The following NID1 variants were observed in gnomAD, a reference collection of about 807,000 sequenced individuals.
NID1 encodes nidogen-1.
NID1 carries 76 observed loss-of-function variants against 130.6 expected under a neutral mutation model. That is an observed-to-expected ratio of 0.58 (90% CI 0.48 to 0.70). NID1 has a LOEUF of 0.70. NID1 is among the 30% of genes least tolerant of loss of function. The pLI, the probability that NID1 is intolerant of heterozygous loss-of-function variation, is 0.00. For synonymous variants in NID1, 665 were observed against 675.1 expected (o/e 0.98, Z 0.23); for missense variants, 1,517 against 1,664.8 (o/e 0.91, Z 1.54).
rs146751160 is a variant in NID1 at position 235,985,429 on chromosome 1, A to G, written c.3005T>C (p.Ile1002Thr). The G allele has an allele frequency of 1.1e-5, 18 of 1,613,886 alleles. No individual in the cohort carries two copies. The highest frequency in any genetic ancestry group is 1.3e-5 in the Non-Finnish European group (15 of 1,179,910). The change falls in exon 15 of 20, where the codon ATT (isoleucine) becomes ACT (threonine). Residue 1002 changes from isoleucine to threonine, a missense_variant. Ile to Thr is a moderately conservative substitution (Grantham distance 89). Transcript: ENST00000264187. ...VYWTDITEPS[I>T]GRASLHGGEP... Reference sequence around the variant, plus strand: ...TCCACCATGTAGACTAGCTCTCCCAATGGAAGGCTCAGTGATGTCCGTCCA... The same window carrying G: ...TCCACCATGTAGACTAGCTCTCCCAGTGGAAGGCTCAGTGATGTCCGTCCA...
intron 12 of NID1, among the ~76,000 whole-genome samples, chr1:236,011,293 ATTCTTTTTTT>A (rs998274405): frequency 7.3e-5 from 9 of 123,558 alleles, no homozygotes; most frequent in South Asian, 2.5e-4. Context: ...TGTCAAATAT[ATTCTTTTTTT>A]TTCTTTTTTT....
chr1:236,047,199 G>A (rs1659627573), intron 2 of NID1, among the ~76,000 whole-genome samples: 1 of 152,190 alleles, frequency 6.6e-6, no homozygotes, highest in African/African-American at 2.4e-5. Context: ...TGAACAGGGT[G>A]AATCACCAAG....
intron 15 of NID1, among the ~76,000 whole-genome samples, chr1:235,985,132 G>T (rs1657539012): frequency 6.6e-6 from 1 of 151,622 alleles, no homozygotes; most frequent in Non-Finnish European, 1.5e-5. Flanking sequence ...GGCAGAGCTT[G>T]CAGTGAGCCA....
At chr1:235,994,719 C>T (rs1183124242) in intron 12 of NID1, among the ~76,000 whole-genome samples, 12 of 135,858 alleles carry the variant, frequency 8.8e-5, no homozygotes, top group African/African-American at 2.4e-4. Flanking sequence ...TTTTTTGAGA[C>T]GGAGTCTCGC....
chr1:236,040,641 A>T lies in NID1; in HGVS notation c.1135+1269T>A, dbSNP rs1659424609. Among the ~76,000 whole-genome samples, 3 of 151,214 alleles carry T rather than the reference A, an allele frequency of 2.0e-5. No homozygotes were observed. In the Admixed American group the frequency reaches 2.0e-4, roughly 10 times the overall value. ...AAACTAATGTGAAAAAAAAATAATG[A>T]GGACAGTTTAGTTGGAACATCTTTT... On this transcript the variant is annotated intron_variant, in intron 4 of 19. Transcript: ENST00000264187.
At chr1:236,053,305 G>A (rs1558450177) in intron 1 of NID1, among the ~76,000 whole-genome samples, 1 of 152,180 alleles carries the variant, frequency 6.6e-6, no homozygotes, top group Non-Finnish European at 1.5e-5. Context: ...GAACTTAAAT[G>A]TTGTTTCTGT....
At chr1:236,005,721 A>C (rs1658228234) in intron 12 of NID1, among the ~76,000 whole-genome samples, 1 of 152,224 alleles carries the variant, frequency 6.6e-6, no homozygotes. Context: ...AGAAAGGAAA[A>C]GTGGTCAAAA....
chr1:236,018,911 G>C (rs1259046729), intron 9 of NID1, among the ~76,000 whole-genome samples: 6 of 152,158 alleles, frequency 3.9e-5, no homozygotes, highest in African/African-American at 7.2e-5. Context: ...GTCCAGTCTA[G>C]CCAGGCCTTT....
intron 12 of NID1, among the ~76,000 whole-genome samples, chr1:235,997,696 T>A (rs561285739): frequency 6.7e-6 from 1 of 150,232 alleles, no homozygotes; most frequent in South Asian, 2.1e-4. Context: ...AACCTCTGCC[T>A]CCTGGGTTCA....
At chr1:236,012,182 TTAACTA>T in intron 11 of NID1, 139 bp from the exon 12 acceptor site, 1 of 999,072 alleles carries the variant, frequency 1.0e-6, no homozygotes, top group Admixed American at 2.4e-5. Flanking sequence ...TCACTAAACA[TTAACTA>T]TCAAGTCACT....
intron 13 of NID1, 32 bp downstream of exon 13, chr1:235,993,613 C>T: frequency 6.8e-7 from 1 of 1,479,192 alleles, no homozygotes; most frequent in East Asian, 2.5e-5. Context: ...CCTTCTCAGG[C>T]ACACGCCCAA....
chr1:235,977,897 G>A lies in NID1; in HGVS notation c.3714C>T (p.Thr1238=), dbSNP rs769030056. ...TCTGTTCGATACAGTCAACTCCCAA[G>A]GTGTTGTCAGGGCAACGGCAGGTCC... The part of the protein sequence containing the change: ...GSRTCRCPDN[T]LGVDCIEQK Residue 1238 remains threonine, a synonymous_variant, in exon 20 of 20, where the codon ACC becomes ACT. Transcript: ENST00000264187. 1 of 1,614,220 alleles carries A rather than the reference G, an allele frequency of 6.2e-7. No individual in the cohort carries two copies. Among genetic ancestry groups the A allele is most frequent in the South Asian group, 1.1e-5 (1 of 91,088 alleles).
In NID1 at chr1:236,029,515, T is replaced by C. The variant is rs773784537; in HGVS notation, c.1738+35A>G. 7 of 1,542,022 alleles carry C rather than the reference T, an allele frequency of 4.5e-6. No individual in the cohort carries two copies. In the African/African-American group the frequency reaches 6.9e-5, roughly 15 times the overall value. ...TCAAGAGCACGAGGCTAGTGGCCGG[T>C]CTGGGGCTGGCCCTGGGACACAGCT... is the stretch of plus-strand genomic sequence containing the variant. On this transcript the variant is annotated intron_variant, in intron 7 of 19. Transcript: ENST00000264187.
At chr1:235,980,735 A>C in intron 16 of NID1, 82 bp from the exon 17 acceptor site, 2 of 1,407,290 alleles carry the variant, frequency 1.4e-6, no homozygotes, top group Non-Finnish European at 2.0e-6. Context: ...ACTTGAAAAG[A>C]ATTACAATGA....
In NID1 at chr1:236,065,072, G is replaced by A. The variant is rs113497600; in HGVS notation, c.8C>T (p.Ala3Val). 3.8e-5 allele frequency: 59 copies of A among 1,550,250 alleles called. 1 individual carries two copies. The African/African-American group carries it at 5.5e-4, about 14-fold the overall frequency. MLASSSRIRAAWT... is the reference protein window; with the variant it reads MLVSSSRIRAAWT... ...CGCAGCCCGGATCCGGCTGCTCGAG[G>A]CCAACATGTTCCCGAACTGCGGTCC... Residue 3 changes from alanine (A) to valine (V), a missense_variant, in exon 1 of 20, where the codon GCC (alanine) becomes GTC (valine). Transcript: ENST00000264187. The surrounding 1 kb of genome is among the most constrained non-coding windows in gnomAD (Gnocchi z 4.1).
intron 14 of NID1, among the ~76,000 whole-genome samples, chr1:235,989,339 C>T (rs1558422698): frequency 6.6e-6 from 1 of 152,172 alleles, no homozygotes; most frequent in Admixed American, 6.5e-5. Flanking sequence ...GAAAGAATGT[C>T]TTTCACAGGG....
intron 16 of NID1, 129 bp downstream of exon 16, chr1:235,981,482 G>T: frequency 1.0e-6 from 1 of 987,098 alleles, no homozygotes; most frequent in Non-Finnish European, 1.5e-6. Flanking sequence ...CACCAAAACT[G>T]TAGACTCTTT....
At chr1:236,031,717 G>A (rs1175724301) in intron 6 of NID1, among the ~76,000 whole-genome samples, 6 of 152,168 alleles carry the variant, frequency 3.9e-5, no homozygotes, top group South Asian at 2.1e-4. Context: ...AGCTGTTCTC[G>A]GGAATGGGTC....
chr1:235,992,917 G>T (rs185410863), intron 13 of NID1, among the ~76,000 whole-genome samples: 2 of 152,294 alleles, frequency 1.3e-5, no homozygotes, highest in East Asian at 3.9e-4. Context: ...TGCAACGGAA[G>T]GAGAATTTTA....
Sources: allele counts gnomAD v4.1 joint callset (sites outside exome capture counted in the v4.1 genomes callset), GRCh38; gene constraint gnomAD v4.1.1; non-coding constraint Gnocchi (gnomAD v3.1); transcripts MANE v1.5; gene names NCBI Gene and HGNC (gene_info 2026-07-23, HGNC 2026-07-21).